KCNQ5: variants seen among roughly 807,000 people sequenced by gnomAD.
KCNQ5 encodes potassium voltage-gated channel subfamily Q member 5, also known as potassium voltage-gated channel subfamily KQT member 5.
In KCNQ5, 30 loss-of-function variants were observed where a neutral mutation model predicts 98.2. The ratio of observed to expected loss-of-function variants is 0.31; its 90% CI spans 0.23 to 0.41. The LOEUF is 0.41. KCNQ5 is among the 10% of genes least tolerant of loss of function. The pLI is 1.00. For missense variants in KCNQ5, 835 were observed against 1,182.5 expected, an observed-to-expected ratio of 0.71 and a Z score of 4.31; for synonymous variants, 458 against 449.4, an observed-to-expected ratio of 1.02 and a Z score of -0.24.
chr6:72,870,212 T>TGCTCCTTG (rs1337834869), intron 1 of KCNQ5, among the ~76,000 whole-genome samples: 3 of 152,174 alleles, frequency 2.0e-5, no homozygotes, highest in Non-Finnish European at 2.9e-5. Context: ...TAAATAACCC[T>TGCTCCTTG]GCTCCTTGGC....
intron 5 of KCNQ5, among the ~76,000 whole-genome samples, chr6:73,099,294 G>C (rs938637603): frequency 1.3e-5 from 2 of 152,050 alleles, no homozygotes; most frequent in East Asian, 1.9e-4. Context: ...AATGGCAGGA[G>C]TAAGTCCTTA....
At chr6:73,058,097 A>G (rs1019371810) in intron 3 of KCNQ5, among the ~76,000 whole-genome samples, 13 of 152,340 alleles carry the variant, frequency 8.5e-5, no homozygotes, top group Middle Eastern at 3.4e-3. Flanking sequence ...TCAACTCAAG[A>G]TGGGTTAAAG....
At chr6:73,164,634 T>C (rs1562215217) in intron 10 of KCNQ5, among the ~76,000 whole-genome samples, 1 of 152,232 alleles carries the variant, frequency 6.6e-6, no homozygotes, top group Non-Finnish European at 1.5e-5. Flanking sequence ...GTGAACAATA[T>C]AGTTTCACTA....
intron 1 of KCNQ5, among the ~76,000 whole-genome samples, chr6:72,846,449 G>A (rs923878806): frequency 6.6e-6 from 1 of 151,914 alleles, no homozygotes; most frequent in African/African-American, 2.4e-5. Flanking sequence ...TGAGGTGGGA[G>A]GATTGCTTGA....
rs1307267677 is a variant in KCNQ5, at chr6:72,648,318, A to G, written c.398+25731A>G. Among the ~76,000 whole-genome samples, 12 of 152,300 alleles carry G rather than the reference A, an allele frequency of 7.9e-5. No individual in the cohort carries two copies. The East Asian group carries it at 2.3e-3, about 29-fold the overall frequency. On this transcript the variant is annotated intron_variant, in intron 1 of 13. Coordinates refer to ENST00000370398, the MANE Select transcript of KCNQ5 (RefSeq NM_019842.4). ...CAAGAGATAGAATGCCCATTGCAAC[A>G]TCATTGGTAATAGAAAAAAATGAAA... is the stretch of plus-strand genomic sequence containing the variant.
chr6:73,120,558 C>A lies in KCNQ5; in HGVS notation c.1201C>A (p.His401Asn). Residue 401 changes from histidine (H) to asparagine (N), a missense_variant, in exon 8 of 14, where the codon CAC becomes AAC. Physicochemically the swap from His to Asn is moderately conservative, Grantham distance 68. Coordinates refer to ENST00000370398, the MANE Select transcript of KCNQ5 (RefSeq NM_019842.4). ...CTGGAAGCCACACTTGAAGGCCTTG[C>A]ACACCTGCAGCCCTACCAAGTAGGT... ...ATWKPHLKAL[H>N]TCSPTKKEQG... 6.2e-7 allele frequency: 1 copy of A among 1,611,170 alleles called. No homozygotes were observed. Among genetic ancestry groups the A allele is most frequent in the Non-Finnish European group, 8.5e-7 (1 of 1,178,012 alleles).
At chr6:73,152,441 C>T (rs1019129789) in intron 10 of KCNQ5, among the ~76,000 whole-genome samples, 2 of 152,050 alleles carry the variant, frequency 1.3e-5, no homozygotes, top group Non-Finnish European at 2.9e-5. Flanking sequence ...GCTATCATTT[C>T]TAAGGTCCTT....
At chr6:72,810,252 G>A (rs117753267) in intron 1 of KCNQ5, among the ~76,000 whole-genome samples, 4,375 of 152,016 alleles carry the variant, frequency 0.029, 81 homozygotes, top group Non-Finnish European at 0.044. Context: ...GAATTATTTG[G>A]TAAACTTTGT....
chr6:72,675,747 A>G (rs987575322), intron 1 of KCNQ5, among the ~76,000 whole-genome samples: 1 of 152,170 alleles, frequency 6.6e-6, no homozygotes, highest in African/African-American at 2.4e-5. Flanking sequence ...ATTTCACTCT[A>G]GATTCTTTTA....
intron 10 of KCNQ5, chr6:73,136,808 C>T (rs1776490154): frequency 6.6e-6 from 1 of 152,090 alleles, no homozygotes. Flanking sequence ...CTTATAGTAC[C>T]TCTTTAGGTT....
intron 1 of KCNQ5, among the ~76,000 whole-genome samples, chr6:72,835,012 G>A (rs4708000): frequency 0.37 from 55,364 of 151,638 alleles, 10,388 homozygotes; most frequent in East Asian, 0.45. Context: ...TTACTTAGTC[G>A]ACCTCCATTT....
chr6:72,857,426 G>A (rs1223573322), intron 1 of KCNQ5, among the ~76,000 whole-genome samples: 2 of 151,932 alleles, frequency 1.3e-5, no homozygotes, highest in Non-Finnish European at 2.9e-5. Flanking sequence ...CATTTTCATG[G>A]TCCCATTTTA....
Position 72,951,214 on chromosome 6 carries a change from T to C in KCNQ5, c.399-52694T>C, listed in dbSNP as rs538958334. Reference sequence around the variant, plus strand: ...CTCTTCCCTCAAAAAATTATTCTGTTAAATTAATTTAACCTCTTAGCCTTC... The same window carrying C: ...CTCTTCCCTCAAAAAATTATTCTGTCAAATTAATTTAACCTCTTAGCCTTC... On this transcript the variant is annotated intron_variant, in intron 1 of 13. Coordinates refer to ENST00000370398, the MANE Select transcript of KCNQ5 (RefSeq NM_019842.4). 3.2e-4 allele frequency among the ~76,000 whole-genome samples: 49 copies of C among 152,326 alleles called. No homozygotes were observed. The South Asian group carries it at 9.7e-3, about 30-fold the overall frequency.
intron 11 of KCNQ5, among the ~76,000 whole-genome samples, chr6:73,188,709 G>A (rs558221786): frequency 2.0e-5 from 3 of 152,320 alleles, no homozygotes; most frequent in African/African-American, 7.2e-5. Flanking sequence ...TCTAGGCCGG[G>A]CGCGGTGGCT....
chr6:72,895,618 T>C (rs1458948593), intron 1 of KCNQ5, among the ~76,000 whole-genome samples: 1 of 150,420 alleles, frequency 6.6e-6, no homozygotes, highest in African/African-American at 2.4e-5. Flanking sequence ...TTCTGAGTTG[T>C]TGAACCACTG....
At chr6:72,752,904 G>A (rs566137388) in intron 1 of KCNQ5, among the ~76,000 whole-genome samples, 2 of 152,198 alleles carry the variant, frequency 1.3e-5, no homozygotes, top group South Asian at 2.1e-4. Context: ...ATTGATCGAG[G>A]TTCTTCTAGA....
chr6:73,060,014 A>G (rs1772709898), intron 3 of KCNQ5, among the ~76,000 whole-genome samples: 1 of 152,160 alleles, frequency 6.6e-6, no homozygotes, highest in South Asian at 2.1e-4. Flanking sequence ...TTAGAGCCTT[A>G]AAGTACTACT....
chr6:72,865,290 A>G (rs1308817145), intron 1 of KCNQ5, among the ~76,000 whole-genome samples: 1 of 152,210 alleles, frequency 6.6e-6, no homozygotes, highest in Non-Finnish European at 1.5e-5. Context: ...ATTTCATTCA[A>G]GTGTGGATAT....
chr6:73,051,572 C>G (rs997222503), intron 3 of KCNQ5, among the ~76,000 whole-genome samples: 1 of 152,046 alleles, frequency 6.6e-6, no homozygotes, highest in Admixed American at 6.5e-5. Flanking sequence ...TAACAGCCTC[C>G]CAAAGTTGCA....
Sources: allele counts gnomAD v4.1 joint callset (sites outside exome capture counted in the v4.1 genomes callset), GRCh38; gene constraint gnomAD v4.1.1; transcripts MANE v1.5; gene names NCBI Gene and HGNC (gene_info 2026-07-23, HGNC 2026-07-21).